The following PXDN variants were observed in gnomAD, a reference collection of about 807,000 sequenced individuals.
PXDN encodes peroxidasin, also known as peroxidasin homolog.
Under a neutral mutation model 140.3 loss-of-function variants are expected in PXDN, and 77 were observed. The ratio of observed to expected loss-of-function variants is 0.55; its 90% CI spans 0.46 to 0.66. The LOEUF (loss-of-function observed/expected upper bound fraction) is 0.66, where lower values mean the gene tolerates loss of function less well. Ranked by LOEUF, PXDN falls within the 30% of genes least tolerant of loss-of-function variation. The pLI, the probability that PXDN is intolerant of heterozygous loss-of-function variation, is 0.00. For missense variants in PXDN, 1,838 were observed against 2,039.5 expected (o/e 0.90, Z 1.90); for synonymous variants, 911 against 857.4 (o/e 1.06, Z -1.09).
At chr2:1,733,053 A>T (rs1239885026) in intron 1 of PXDN, among the ~76,000 whole-genome samples, 1 of 152,174 alleles carries the variant, frequency 6.6e-6, no homozygotes, top group African/African-American at 2.4e-5. Flanking sequence ...ACACATAGAG[A>T]AAAAGGCACA....
At chr2:1,642,199 T>TCA (rs990353399) in intron 19 of PXDN, among the ~76,000 whole-genome samples, 1 of 151,588 alleles carries the variant, frequency 6.6e-6, no homozygotes, top group Non-Finnish European at 1.5e-5. Flanking sequence ...CAGGATTAGA[T>TCA]CACACACACC....
chr2:1,654,480 C>T lies in PXDN; in HGVS notation c.1866G>A (p.Pro622=), dbSNP rs751535853. 22 of 1,613,352 alleles carry T rather than the reference C, an allele frequency of 1.4e-5. No individual in the cohort carries two copies. Among genetic ancestry groups the T allele is most frequent in the East Asian group, 6.7e-5 (3 of 44,888 alleles). ...NVPDVSRNGD[P]FVATSIVEAI... is the part of the protein sequence containing the mutation. ...CTTCCACGATGGAGGTAGCTACAAA[C>T]GGATCTCCATTTCGACTGACGTCAG... Residue 622 remains proline (P), a synonymous_variant, in exon 15 of 23, where the codon CCG becomes CCA. Transcript: ENST00000252804.
upstream of PXDN, chr2:1,744,614 G>GAGGGC: frequency 4.8e-6 from 3 of 623,916 alleles, no homozygotes; most frequent in Non-Finnish European, 4.5e-6. Context: ...CTGAATCCCC[G>GAGGGC]AGGGCGGGGC....
Position 1,725,602 on chromosome 2 carries a change from C to A in PXDN, c.200+18654G>T, listed in dbSNP as rs1385844359. On this transcript the variant is annotated intron_variant, in intron 1 of 22. Coordinates refer to ENST00000252804, the MANE Select transcript of PXDN (RefSeq NM_012293.3). ...GGGATCTAATTAAACTAAAGAGCTT[C>A]TGCATAGCAAAACAAACTACCATCA... Among the ~76,000 whole-genome samples the A allele has an allele frequency of 2.6e-5, 4 of 152,290 alleles. No homozygotes were observed. The East Asian group carries it at 7.7e-4, about 29-fold the overall frequency.
At position 1,658,064 on chromosome 2, in the gene PXDN, CT is replaced by C. The variant is rs1558494381; in HGVS notation, c.1837+2816del. Among the ~76,000 whole-genome samples the C allele has an allele frequency of 6.9e-3, 750 of 109,284 alleles. 107 individuals are homozygous for C. The highest frequency in any genetic ancestry group is 9.5e-3 in the Non-Finnish European group (480 of 50,588). The allele number at this position is 109,284 out of a possible 152,430, so 71.7% of individuals were successfully genotyped here. A position where few individuals can be genotyped will look rare whatever the true frequency, so the allele number is the denominator to read the frequency against. Reference sequence around the variant, plus strand: ...TCTCTCTCTCTCTCTCTCTCTCTCTCTCTCTCTCTCTCTCTCTCTCTCTCTC... The same window carrying C: ...TCTCTCTCTCTCTCTCTCTCTCTCTCCTCTCTCTCTCTCTCTCTCTCTCTC... On this transcript the variant is annotated intron_variant, in intron 14 of 22. Coordinates refer to ENST00000252804, the MANE Select transcript of PXDN (RefSeq NM_012293.3).
chr2:1,718,869 C>A (rs1287878514), intron 1 of PXDN, among the ~76,000 whole-genome samples: 1 of 152,268 alleles, frequency 6.6e-6, no homozygotes, highest in African/African-American at 2.4e-5. Context: ...GCAGAGCGGG[C>A]AGCTCCCAGC....
chr2:1,741,732 T>C (rs10203621), intron 1 of PXDN, among the ~76,000 whole-genome samples: 34,697 of 152,006 alleles, frequency 0.23, 4,419 homozygotes, highest in East Asian at 0.58. Flanking sequence ...GGGCAGGTTT[T>C]TTTTTAAATT....
chr2:1,711,946 C>T (rs1290175372), intron 1 of PXDN, among the ~76,000 whole-genome samples: 2 of 152,208 alleles, frequency 1.3e-5, no homozygotes, highest in Admixed American at 6.5e-5. Flanking sequence ...ACTCAACCAG[C>T]GGCTCCCATC....
chr2:1,679,568 T>A (rs1172883027), intron 7 of PXDN, among the ~76,000 whole-genome samples: 2 of 137,122 alleles, frequency 1.5e-5, no homozygotes, highest in Non-Finnish European at 3.1e-5. Context: ...TGTGTGTAAA[T>A]GGTGTGTGTG....
In PXDN at chr2:1,642,481, C is replaced by T. The variant is rs150270356; in HGVS notation, c.3952+887G>A. ...AGACACCACAAGCTCCACAGATTGC[C>T]GGGTGAGGCCGGGATCTGGCCCCAC... On this transcript the variant is annotated intron_variant, in intron 19 of 22. Coordinates refer to ENST00000252804, the MANE Select transcript of PXDN (RefSeq NM_012293.3). Among the ~76,000 whole-genome samples the T allele has an allele frequency of 1.2e-3, 190 of 152,310 alleles. 2 individuals are homozygous for T. In the East Asian group the frequency reaches 0.025, roughly 20 times the overall value.
chr2:1,653,649 T>G lies in PXDN; in HGVS notation c.2083A>C (p.Met695Leu), dbSNP rs1311057954. ...TGACTTGTTCCGTTGAGGTCGACCATCAAGCCATGCTGTACATGCTCCTGA... is the reference window on the plus strand; with the variant it reads ...TGACTTGTTCCGTTGAGGTCGACCAGCAAGCCATGCTGTACATGCTCCTGA... Reference protein sequence around the residue: ...LIQEHVQHGLMVDLNGTSYHY... With the variant: ...LIQEHVQHGLLVDLNGTSYHY... Residue 695 changes from methionine to leucine, a missense_variant, in exon 16 of 23, where the codon ATG becomes CTG. Physicochemically the swap from Met to Leu is conservative, Grantham distance 15. Transcript: ENST00000252804. 3 of 1,612,784 alleles carry G rather than the reference T, an allele frequency of 1.9e-6. No homozygotes were observed. Among genetic ancestry groups the G allele is most frequent in the Non-Finnish European group, 2.5e-6 (3 of 1,179,612 alleles).
In PXDN at chr2:1,714,028, C is replaced by A. The variant is rs966067697; in HGVS notation, c.201-20894G>T. The stretch of plus-strand genomic sequence containing the variant: ...CATGTCACCCTGAAACATGGCCCAG[C>A]CTGGGCAACCTACGATAATATTGGC... On this transcript the variant is annotated intron_variant, in intron 1 of 22. Coordinates refer to ENST00000252804, the MANE Select transcript of PXDN (RefSeq NM_012293.3). The surrounding 1 kb of genome is among the most constrained non-coding windows in gnomAD (Gnocchi z 4.3). 1.3e-5 allele frequency among the ~76,000 whole-genome samples: 2 copies of A among 152,216 alleles called. No homozygotes were observed. The highest frequency in any genetic ancestry group is 4.8e-5 in the African/African-American group (2 of 41,456).
At chr2:1,692,675 A>C in intron 2 of PXDN, 1 of 462,748 alleles carries the variant, frequency 2.2e-6, no homozygotes, top group Non-Finnish European at 4.5e-6. Context: ...ACCCTCACTT[A>C]AGTCCACTCC....
rs752888664 is a variant in PXDN at position 1,744,294 on chromosome 2, C to T, written c.162G>A (p.Leu54=). The T allele has an allele frequency of 1.9e-5, 29 of 1,524,218 alleles. No individual in the cohort carries two copies. The South Asian group carries it at 3.3e-4, about 17-fold the overall frequency. The allele number at this position is 1,524,218 out of a possible 1,614,324, so 94.4% of individuals were successfully genotyped here. The stretch of plus-strand genomic sequence containing the variant: ...GCGGCGCCACGGCGGGCACGGCCTC[C>T]AGCAGCAGATGCATGCAGCGCACGG... ...RTTVRCMHLL[L]EAVPAVAPQT... is the part of the protein sequence containing the mutation. The change falls in exon 1 of 23, where the codon CTG becomes CTA. Residue 54 remains leucine (L), a synonymous_variant. Transcript: ENST00000252804.
chr2:1,663,457 G>A (rs1266982488), intron 12 of PXDN, 148 bp downstream of exon 12: 2 of 1,073,000 alleles, frequency 1.9e-6, no homozygotes, highest in Non-Finnish European at 2.7e-6. Flanking sequence ...CACCCTGGGG[G>A]CACAAGCACA....
rs1449054565 is a variant in PXDN, at chr2:1,632,528, G to C, written c.*1676C>G. ...TACCAATATGAGGTTAAGAAGTTAA[G>C]ACAACCATTTTTACAGATAAAACAC... On this transcript the variant is annotated 3_prime_UTR_variant, in exon 23 of 23. Coordinates refer to ENST00000252804, the MANE Select transcript of PXDN (RefSeq NM_012293.3). This position sits in a 1 kb window ranked among gnomAD's most constrained non-coding sequence, Gnocchi z 4.3. The C allele has an allele frequency of 1.3e-5, 2 of 152,188 alleles. No individual in the cohort carries two copies. The highest frequency in any genetic ancestry group is 2.9e-5 in the Non-Finnish European group (2 of 68,032). The allele number at this position is 152,188 out of a possible 1,614,324, so 9.4% of individuals were successfully genotyped here. A position where few individuals can be genotyped will look rare whatever the true frequency, so the allele number is the denominator to read the frequency against.
chr2:1,708,997 CA>C (rs1221090391), intron 1 of PXDN, among the ~76,000 whole-genome samples: 1 of 152,204 alleles, frequency 6.6e-6, no homozygotes. Flanking sequence ...AGCACGGTGA[CA>C]GGCATGATCT....
chr2:1,678,936 G>C (rs946495400), intron 7 of PXDN, among the ~76,000 whole-genome samples: 2 of 152,156 alleles, frequency 1.3e-5, no homozygotes, highest in East Asian at 3.9e-4. Flanking sequence ...CCAGGCCGGC[G>C]CTCAGTTCTA....
At position 1,683,527 on chromosome 2, in the gene PXDN, T is replaced by C. The variant is rs554918385; in HGVS notation, c.560+129A>G. The C allele has an allele frequency of 1.2e-5, 10 of 859,654 alleles. No homozygotes were observed. In the South Asian group the frequency reaches 2.0e-4, roughly 17 times the overall value. 53.3% of individuals were successfully genotyped at this position (859,654 alleles called of 1,614,324 possible). A position where few individuals can be genotyped will look rare whatever the true frequency, so the allele number is the denominator to read the frequency against. On this transcript the variant is annotated intron_variant, in intron 6 of 22. Coordinates refer to ENST00000252804, the MANE Select transcript of PXDN (RefSeq NM_012293.3). Reference sequence around the variant, plus strand: ...TCTAATGGATTCAATCCACCCTCCATATATTCTCATTCTTTCAGAATCAGA... The same window carrying C: ...TCTAATGGATTCAATCCACCCTCCACATATTCTCATTCTTTCAGAATCAGA...
Sources: gnomAD v4.1 joint callset for allele counts (sites outside exome capture counted in the v4.1 genomes callset) on GRCh38, gnomAD v4.1.1 for gene constraint, Gnocchi (gnomAD v3.1) non-coding constraint, MANE v1.5 for transcripts, NCBI Gene and HGNC (gene_info 2026-07-23, HGNC 2026-07-21) for gene names.